SLCO4A1: variants seen among roughly 807,000 people sequenced by gnomAD.
SLCO4A1 encodes the protein colon organic anion transporter.
A neutral mutation model predicts 64.6 loss-of-function variants in SLCO4A1; 51 were observed. That is an observed-to-expected ratio of 0.79 (90% confidence interval 0.63 to 1.00). The LOEUF (loss-of-function observed/expected upper bound fraction) is 1.00. Ranked by LOEUF, SLCO4A1 falls within the 50% of genes least tolerant of loss-of-function variation. SLCO4A1 has a pLI of 0.00. For missense variants in SLCO4A1, 919 were observed against 980.5 expected (o/e 0.94, Z 0.84); for synonymous variants, 471 against 444.9 (o/e 1.06, Z -0.74).
Position 62,668,131 on chromosome 20 carries a change from T to A in SLCO4A1, c.1758T>A (p.Val586=). The A allele has an allele frequency of 1.9e-6, 3 of 1,614,022 alleles. No individual in the cohort carries two copies. The highest frequency in any genetic ancestry group is 2.5e-6 in the Non-Finnish European group (3 of 1,180,042). The part of the protein sequence containing the change: ...RKPLLLVFIF[V]VIFFTFLSSI... ...CCCTCCTTCTGGTTTTCATATTCGTTGTAATTTTCTTTACATTCCTCAGCA... is the reference window on the plus strand; with the variant it reads ...CCCTCCTTCTGGTTTTCATATTCGTAGTAATTTTCTTTACATTCCTCAGCA... The change falls in exon 9 of 12, where the codon GTT becomes GTA. Residue 586 remains valine, a synonymous_variant. Coordinates refer to ENST00000217159, the MANE Select transcript of SLCO4A1 (RefSeq NM_016354.4).
At chr20:62,647,507 G>T (rs960403192) in intron 1 of SLCO4A1, among the ~76,000 whole-genome samples, 1 of 152,246 alleles carries the variant, frequency 6.6e-6, no homozygotes, top group African/African-American at 2.4e-5. Context: ...ATCCCCTAAT[G>T]TGGAGGGGTG....
chr20:62,690,720 G>A (rs562201574), downstream of SLCO4A1, among the ~76,000 whole-genome samples: 20 of 152,160 alleles, frequency 1.3e-4, no homozygotes, highest in Non-Finnish European at 2.2e-4. Flanking sequence ...CAATAAACGC[G>A]CTTTCATTTG....
intron 1 of SLCO4A1, among the ~76,000 whole-genome samples, chr20:62,646,351 A>G (rs1981325825): frequency 6.6e-6 from 1 of 152,226 alleles, no homozygotes; most frequent in South Asian, 2.1e-4. Context: ...CCCTGTGCCC[A>G]AGGACTAGCC....
intron 2 of SLCO4A1, among the ~76,000 whole-genome samples, chr20:62,681,431 C>T (rs146118214): frequency 5.9e-5 from 9 of 151,300 alleles, no homozygotes; most frequent in Non-Finnish European, 5.9e-5. Flanking sequence ...GCCTTGTGTA[C>T]ACACTCGTGT....
chr20:62,671,257 T>G (rs1987170951), intron 11 of SLCO4A1, among the ~76,000 whole-genome samples: 1 of 152,202 alleles, frequency 6.6e-6, no homozygotes, highest in African/African-American at 2.4e-5. Flanking sequence ...AGAACCAGAT[T>G]CGCTTGCAGG....
intron 1 of SLCO4A1, among the ~76,000 whole-genome samples, chr20:62,643,607 T>A (rs1004414713): frequency 6.6e-6 from 1 of 152,240 alleles, no homozygotes; most frequent in Non-Finnish European, 1.5e-5. Flanking sequence ...CAGCTGCTGC[T>A]CCTCAGCTGT....
At chr20:62,681,990 CGGCCCT>C (rs1987854708) in intron 2 of SLCO4A1, among the ~76,000 whole-genome samples, 1 of 152,188 alleles carries the variant, frequency 6.6e-6, no homozygotes, top group Non-Finnish European at 1.5e-5. Context: ...GACAGCAGGG[CGGCCCT>C]GGAGAGCCAT....
chr20:62,657,021 GC>G lies in SLCO4A1; in HGVS notation c.571del (p.His191ThrfsTer91). Reference protein sequence around the residue: ...MGTGSLVFALPHFTAGRYEVE... With the variant: ...MGTGSLVFALXHFTAGRYEVE... ...GCACGGGGTCGCTGGTGTTCGCGCT[GC>G]CCCACTTCACGGCTGGCCGCTATGA... On this transcript the variant is annotated frameshift_variant, in exon 2 of 12. Transcript: ENST00000217159. LOFTEE classifies it high-confidence loss of function. 6.3e-7 allele frequency: 1 copy of G among 1,586,978 alleles called. No individual in the cohort carries two copies. The highest frequency in any genetic ancestry group is 8.6e-7 in the Non-Finnish European group (1 of 1,163,060).
At chr20:62,656,329 G>T in intron 1 of SLCO4A1, 30 bp from the exon 2 acceptor site, 1 of 796,238 alleles carries the variant, frequency 1.3e-6, no homozygotes, top group South Asian at 1.9e-5. Context: ...GGAGAGACGT[G>T]AGCTTGCTAA....
downstream of SLCO4A1, among the ~76,000 whole-genome samples, chr20:62,676,600 C>T (rs1038493104): frequency 6.6e-6 from 1 of 152,156 alleles, no homozygotes; most frequent in Non-Finnish European, 1.5e-5. Flanking sequence ...CAGCGCTGAC[C>T]GTATCAAAAA....
At position 62,672,105 on chromosome 20, in the gene SLCO4A1, C is replaced by G; in HGVS notation, c.*212C>G. On this transcript the variant is annotated 3_prime_UTR_variant, in exon 12 of 12. Transcript: ENST00000217159. ...ACTTGCATAAATATATATTTATGGACACACAGTTTGCATCAGAACGTGTTT... is the reference window on the plus strand; with the variant it reads ...ACTTGCATAAATATATATTTATGGAGACACAGTTTGCATCAGAACGTGTTT... The G allele has an allele frequency of 6.9e-7, 1 of 1,439,526 alleles. No individual in the cohort carries two copies. 89.2% of individuals were successfully genotyped at this position (1,439,526 alleles called of 1,614,324 possible). A position where few individuals can be genotyped will look rare whatever the true frequency, so the allele number is the denominator to read the frequency against.
At chr20:62,642,859 G>A (rs892240429) in intron 1 of SLCO4A1, among the ~76,000 whole-genome samples, 8 of 152,354 alleles carry the variant, frequency 5.3e-5, no homozygotes, top group Admixed American at 5.2e-4. Context: ...GGGGGAAGCG[G>A]GTGAGCAGGG....
intron 10 of SLCO4A1, 118 bp downstream of exon 10, chr20:62,668,659 T>C (rs1468428778): frequency 9.8e-7 from 1 of 1,020,484 alleles, no homozygotes; most frequent in Non-Finnish European, 1.5e-6. Context: ...TGTTCCCGCC[T>C]GGGAAGGGGT....
downstream of SLCO4A1, among the ~76,000 whole-genome samples, chr20:62,687,857 G>A (rs905470436): frequency 2.8e-4 from 42 of 152,260 alleles, no homozygotes; most frequent in African/African-American, 1.0e-3. Context: ...GAGCCTCAGG[G>A]GTATCCCTGA....
At chr20:62,664,535 T>C (rs1322277144) in intron 5 of SLCO4A1, among the ~76,000 whole-genome samples, 1 of 152,190 alleles carries the variant, frequency 6.6e-6, no homozygotes, top group Non-Finnish European at 1.5e-5. Flanking sequence ...CCTGGGTCAC[T>C]TGGGGTCTCT....
intron 2 of SLCO4A1, among the ~76,000 whole-genome samples, chr20:62,677,728 C>T (rs906734017): frequency 7.2e-5 from 11 of 152,254 alleles, no homozygotes; most frequent in Non-Finnish European, 1.2e-4. Flanking sequence ...GGGAGTGCCT[C>T]GTGGCAGAGG....
chr20:62,646,739 G>A (rs564891113), intron 1 of SLCO4A1, among the ~76,000 whole-genome samples: 3 of 152,380 alleles, frequency 2.0e-5, no homozygotes, highest in Admixed American at 2.0e-4. Context: ...TCTCTGTTAT[G>A]GGTGGAAACT....
In SLCO4A1 at chr20:62,661,598, A is replaced by C. The variant is rs1984908045; in HGVS notation, c.1121+423A>C. On this transcript the variant is annotated intron_variant, in intron 5 of 11. Coordinates refer to ENST00000217159, the MANE Select transcript of SLCO4A1 (RefSeq NM_016354.4). The surrounding 1 kb of genome is among the most constrained non-coding windows in gnomAD (Gnocchi z 5.2). ...CCCTTCCCTCACCATGACCCCCCAC[A>C]CTCTAATTCCCTTTCATCAGGTGTC... Among the ~76,000 whole-genome samples the C allele has an allele frequency of 7.7e-5, 10 of 130,592 alleles. No individual in the cohort carries two copies. Among genetic ancestry groups the C allele is most frequent in the East Asian group, 4.8e-4 (2 of 4,182 alleles). 85.7% of individuals were successfully genotyped at this position (130,592 alleles called of 152,430 possible).
chr20:62,672,363 G>A (rs925064439), downstream of SLCO4A1: 58 of 867,046 alleles, frequency 6.7e-5, no homozygotes, highest in African/African-American at 2.9e-4. Context: ...CTTGGCCCAC[G>A]TCCTGTAGTC....
Sources: gnomAD v4.1 joint callset for allele counts (sites outside exome capture counted in the v4.1 genomes callset) on GRCh38, gnomAD v4.1.1 for gene constraint, Gnocchi (gnomAD v3.1) non-coding constraint, MANE v1.5 for transcripts, NCBI Gene and HGNC (gene_info 2026-07-23, HGNC 2026-07-21) for gene names.